Variants in TRPC6 observed in about 807,000 individuals in gnomAD.
TRPC6 encodes transient receptor potential cation channel subfamily C member 6, also known as short transient receptor potential channel 6.
A neutral mutation model predicts 90.7 loss-of-function variants in TRPC6; 55 were observed. The observed-to-expected ratio is 0.61, with a 90% CI of 0.49 to 0.76. TRPC6 has a LOEUF of 0.76. Ranked by LOEUF, TRPC6 falls within the 30% of genes least tolerant of loss-of-function variation. The pLI is 0.00. For synonymous variants in TRPC6, 393 were observed against 393.0 expected (o/e 1.00, Z 0.00); for missense variants, 989 against 1,122.7 (o/e 0.88, Z 1.70).
intron 3 of TRPC6, among the ~76,000 whole-genome samples, chr11:101,490,033 A>G (rs1316674258): frequency 2.6e-5 from 4 of 152,224 alleles, no homozygotes; most frequent in Non-Finnish European, 5.9e-5. Context: ...AACCTAGCAA[A>G]TGTTTGGAAA....
Position 101,527,506 on chromosome 11 carries a change from G to A in TRPC6, c.171-22708C>T, listed in dbSNP as rs138932093. ...TTTTTGATGACACAGTTCCAATACC[G>A]TATCCTAGGTTAACAGGAGATTATA... On this transcript the variant is annotated intron_variant, in intron 1 of 12. Transcript: ENST00000344327. Among the ~76,000 whole-genome samples the A allele has an allele frequency of 9.9e-5, 15 of 152,200 alleles. No homozygotes were observed. In the East Asian group the frequency reaches 1.7e-3, roughly 18 times the overall value.
intron 1 of TRPC6, among the ~76,000 whole-genome samples, chr11:101,520,147 T>C (rs551675921): frequency 1.3e-5 from 2 of 151,866 alleles, no homozygotes; most frequent in East Asian, 2.0e-4. Context: ...TGGTGGGAGG[T>C]GATTAGATCA....
intron 2 of TRPC6, among the ~76,000 whole-genome samples, chr11:101,495,638 T>A (rs868655741): frequency 6.7e-6 from 1 of 149,012 alleles, no homozygotes; most frequent in Middle Eastern, 3.6e-3. Context: ...ATTATTATCA[T>A]TGTTTTCATT....
At chr11:101,559,562 A>G (rs2136862856) in intron 1 of TRPC6, among the ~76,000 whole-genome samples, 1 of 152,324 alleles carries the variant, frequency 6.6e-6, no homozygotes, top group South Asian at 2.1e-4. Flanking sequence ...GCAATTTGAA[A>G]GAATTTTTAT....
intron 1 of TRPC6, among the ~76,000 whole-genome samples, chr11:101,519,334 A>T (rs1312235816): frequency 1.3e-5 from 2 of 152,122 alleles, no homozygotes; most frequent in African/African-American, 4.8e-5. Flanking sequence ...TACCCACAAA[A>T]ATTTTTAAAA....
At chr11:101,457,959 C>T (rs1429007381) in intron 10 of TRPC6, among the ~76,000 whole-genome samples, 2 of 152,090 alleles carry the variant, frequency 1.3e-5, no homozygotes, top group East Asian at 1.9e-4. Flanking sequence ...GATGGGGTTA[C>T]GTCATGATAA....
chr11:101,513,141 G>A (rs1212174202), intron 1 of TRPC6, among the ~76,000 whole-genome samples: 2 of 152,186 alleles, frequency 1.3e-5, no homozygotes, highest in African/African-American at 2.4e-5. Flanking sequence ...TATGAAGGGT[G>A]ACAGCCCACC....
At position 101,528,335 on chromosome 11, in the gene TRPC6, G is replaced by A. The variant is rs896419355; in HGVS notation, c.171-23537C>T. Among the ~76,000 whole-genome samples, 10 of 152,194 alleles carry A rather than the reference G, an allele frequency of 6.6e-5. No individual in the cohort carries two copies. In the East Asian group the frequency reaches 7.7e-4, roughly 12 times the overall value. On this transcript the variant is annotated intron_variant, in intron 1 of 12. Coordinates refer to ENST00000344327, the MANE Select transcript of TRPC6 (RefSeq NM_004621.6). The stretch of plus-strand genomic sequence containing the variant: ...GATCATAAGGTGGTATATGCAATAC[G>A]GGAAGAGTTTTCAATCAGCAATATT...
intron 2 of TRPC6, among the ~76,000 whole-genome samples, chr11:101,499,637 G>A (rs1348445310): frequency 1.1e-5 from 1 of 92,206 alleles, no homozygotes; most frequent in African/African-American, 4.9e-5. Context: ...AATATAAAAT[G>A]TGTATATATA....
chr11:101,492,207 C>A (rs1246703072), intron 2 of TRPC6, among the ~76,000 whole-genome samples: 1 of 152,014 alleles, frequency 6.6e-6, no homozygotes. Context: ...GCTGACTGAC[C>A]TCTAAAATAT....
rs746061548 is a variant in TRPC6, at chr11:101,583,352, T to G, written c.152A>C (p.Tyr51Ser). The change falls in exon 1 of 13, where the codon TAC (tyrosine) becomes TCC (serine). Residue 51 changes from tyrosine to serine, a missense_variant. Tyr to Ser is a moderately radical substitution (Grantham distance 144, BLOSUM62 -2). This residue lies in a region of TRPC6 where 194 missense variants were observed against 136.5 expected (regional missense o/e 1.42). Transcript: ENST00000344327. ...DGCPQAPLPC[Y>S]GYYPCFRGSD... ...CACTCACAAGCAGGGGTAGTAGCCGTAGCAAGGCAGCGGGGCTTGCGGGCA... is the reference window on the plus strand; with the variant it reads ...CACTCACAAGCAGGGGTAGTAGCCGGAGCAAGGCAGCGGGGCTTGCGGGCA... The G allele has an allele frequency of 6.3e-7, 1 of 1,593,596 alleles. No homozygotes were observed. Among genetic ancestry groups the G allele is most frequent in the African/African-American group, 1.3e-5 (1 of 74,408 alleles).
intron 1 of TRPC6, among the ~76,000 whole-genome samples, chr11:101,531,273 T>C (rs1190904472): frequency 6.6e-6 from 1 of 152,180 alleles, no homozygotes; most frequent in Non-Finnish European, 1.5e-5. Flanking sequence ...ATAAGAACTC[T>C]ATGAGGTACA....
Position 101,508,175 on chromosome 11 carries a change from G to C in TRPC6, c.171-3377C>G, listed in dbSNP as rs577581772. Among the ~76,000 whole-genome samples the C allele has an allele frequency of 3.9e-5, 6 of 152,138 alleles. No individual in the cohort carries two copies. The East Asian group carries it at 1.2e-3, about 29-fold the overall frequency. On this transcript the variant is annotated intron_variant, in intron 1 of 12. Coordinates refer to ENST00000344327, the MANE Select transcript of TRPC6 (RefSeq NM_004621.6). ...TAAAGATTGCACACATCACAATTTAGAGAACTTACTCCTGAGTTGCTTTTT... is the reference window on the plus strand; with the variant it reads ...TAAAGATTGCACACATCACAATTTACAGAACTTACTCCTGAGTTGCTTTTT...
At chr11:101,580,629 C>A (rs1862174881) in intron 1 of TRPC6, among the ~76,000 whole-genome samples, 1 of 143,954 alleles carries the variant, frequency 6.9e-6, no homozygotes, top group South Asian at 2.2e-4. Context: ...CTACTGAAGC[C>A]CCATAAATAT....
Position 101,583,357 on chromosome 11 carries a change from A to C in TRPC6, c.147T>G (p.Pro49=). 1 of 1,594,928 alleles carries C rather than the reference A, an allele frequency of 6.3e-7. No individual in the cohort carries two copies. The highest frequency in any genetic ancestry group is 1.7e-5 in the Admixed American group (1 of 58,720). ...GEDGCPQAPL[P]CYGYYPCFRG... is the part of the protein sequence containing the mutation. ...ACAAGCAGGGGTAGTAGCCGTAGCAAGGCAGCGGGGCTTGCGGGCAGCCGT... is the reference window on the plus strand; with the variant it reads ...ACAAGCAGGGGTAGTAGCCGTAGCACGGCAGCGGGGCTTGCGGGCAGCCGT... The change falls in exon 1 of 13, where the codon CCT becomes CCG. Residue 49 remains proline (P), a synonymous_variant. Transcript: ENST00000344327.
chr11:101,459,799 T>C (rs1186186803), intron 10 of TRPC6, among the ~76,000 whole-genome samples: 7 of 152,188 alleles, frequency 4.6e-5, no homozygotes, highest in Admixed American at 4.6e-4. Flanking sequence ...CTGACCTATC[T>C]TTGCAAAAAA....
chr11:101,477,214 C>A (rs1468136793), intron 5 of TRPC6, among the ~76,000 whole-genome samples: 1 of 151,058 alleles, frequency 6.6e-6, no homozygotes, highest in Admixed American at 6.6e-5. Context: ...AACCTTCCTG[C>A]CTGCTCTCTG....
At chr11:101,492,869 A>G (rs1859861961) in intron 2 of TRPC6, among the ~76,000 whole-genome samples, 1 of 152,240 alleles carries the variant, frequency 6.6e-6, no homozygotes. Context: ...CACAGGGTCA[A>G]AAGATGAAAT....
intron 1 of TRPC6, among the ~76,000 whole-genome samples, chr11:101,544,376 C>A (rs530614026): frequency 6.6e-6 from 1 of 152,194 alleles, no homozygotes; most frequent in African/African-American, 2.4e-5. Flanking sequence ...AATCCCATTA[C>A]TGGGTATATA....
Sources: gnomAD v4.1 joint callset for allele counts (sites outside exome capture counted in the v4.1 genomes callset) on GRCh38, gnomAD v4.1.1 for gene constraint, gnomAD v4.1.1 regional missense constraint, MANE v1.5 for transcripts, NCBI Gene and HGNC (gene_info 2026-07-23, HGNC 2026-07-21) for gene names.